The following TRAF3IP2 variants were observed in gnomAD, a reference collection of about 807,000 sequenced individuals.
TRAF3IP2 encodes TRAF3 interacting protein 2.
In TRAF3IP2, 35 loss-of-function variants were observed where a neutral mutation model predicts 57.9. The observed-to-expected ratio is 0.60, with a 90% confidence interval of 0.46 to 0.80. The LOEUF (loss-of-function observed/expected upper bound fraction) is 0.80, where lower values mean the gene tolerates loss of function less well. Among genes scored for constraint, TRAF3IP2 ranks in the 30% least tolerant of loss-of-function variants. TRAF3IP2 has a pLI of 0.00. For synonymous variants in TRAF3IP2, 251 were observed against 268.9 expected, an observed-to-expected ratio of 0.93 and a Z score of 0.65; for missense variants, 556 against 706.4, an observed-to-expected ratio of 0.79 and a Z score of 2.41.
At chr6:111,601,101 C>T in intron 1 of TRAF3IP2, 1 of 665,328 alleles carries the variant, frequency 1.5e-6, no homozygotes, top group Non-Finnish European at 2.9e-6. Context: ...GTTGGGAGCA[C>T]TGACTGGTTC....
At chr6:111,582,684 A>G (rs570382977) in intron 2 of TRAF3IP2, among the ~76,000 whole-genome samples, 3 of 152,296 alleles carry the variant, frequency 2.0e-5, no homozygotes, top group Admixed American at 2.0e-4. Context: ...GTCCCCAGGT[A>G]GGGGCCAGCC....
intron 1 of TRAF3IP2, among the ~76,000 whole-genome samples, chr6:111,595,614 A>T (rs1283836238): frequency 6.6e-6 from 1 of 151,868 alleles, no homozygotes; most frequent in South Asian, 2.1e-4. Flanking sequence ...CAGATCGCAA[A>T]GTCAGGAGTT....
At chr6:111,570,617 C>G (rs1000616378) in intron 5 of TRAF3IP2, among the ~76,000 whole-genome samples, 1 of 152,182 alleles carries the variant, frequency 6.6e-6, no homozygotes, top group African/African-American at 2.4e-5. Context: ...GCCTATGTGG[C>G]CCCTGGTTGT....
intron 6 of TRAF3IP2, chr6:111,566,897 A>T: frequency 8.2e-6 from 3 of 365,880 alleles, no homozygotes; most frequent in South Asian, 6.9e-5. Flanking sequence ...CAACAGTAAG[A>T]AGCACCCTCC....
intron 1 of TRAF3IP2, among the ~76,000 whole-genome samples, chr6:111,597,256 G>A (rs1303728400): frequency 6.6e-6 from 1 of 152,192 alleles, no homozygotes; most frequent in Non-Finnish European, 1.5e-5. Context: ...CTGCCCATGG[G>A]CAGGATTGAC....
chr6:111,604,878 C>A (rs1796972182), intron 1 of TRAF3IP2, among the ~76,000 whole-genome samples: 1 of 152,142 alleles, frequency 6.6e-6, no homozygotes, highest in Non-Finnish European at 1.5e-5. Flanking sequence ...ATTACCACTA[C>A]CCCTCTGGGA....
chr6:111,560,733 C>T (rs1238904916), intron 8 of TRAF3IP2, among the ~76,000 whole-genome samples: 3 of 152,132 alleles, frequency 2.0e-5, no homozygotes, highest in African/African-American at 7.2e-5. Context: ...AATAACAAAA[C>T]CAATGAAAAT....
At chr6:111,572,825 T>A (rs1358427013) in intron 5 of TRAF3IP2, 70 bp downstream of exon 5, 3 of 1,236,554 alleles carry the variant, frequency 2.4e-6, no homozygotes, top group Non-Finnish European at 3.6e-6. Context: ...TTACACTTTT[T>A]CTTCTGCTGC....
chr6:111,574,635 C>T (rs1190428120), intron 4 of TRAF3IP2: 1 of 152,208 alleles, frequency 6.6e-6, no homozygotes, highest in Non-Finnish European at 1.5e-5. Flanking sequence ...TGACCTCATT[C>T]TTGATGGCTG....
At chr6:111,562,024 G>A (rs1256661949) in intron 8 of TRAF3IP2, among the ~76,000 whole-genome samples, 1 of 152,216 alleles carries the variant, frequency 6.6e-6, no homozygotes, top group African/African-American at 2.4e-5. Flanking sequence ...TCTCAGTGCA[G>A]TCTTGACATC....
chr6:111,598,063 GAGAGCGGGGCTGGAGGGCGAAGA>G (rs1260165688), intron 1 of TRAF3IP2: 4 of 370,466 alleles, frequency 1.1e-5, no homozygotes, highest in African/African-American at 2.1e-5. Flanking sequence ...ATCCTGGGGG[GAGAGCGGGGCTGGAGGGCGAAGA>G]AGCCCAGGAG....
chr6:111,571,065 C>T (rs1477369952), intron 5 of TRAF3IP2, among the ~76,000 whole-genome samples: 1 of 151,354 alleles, frequency 6.6e-6, no homozygotes, highest in East Asian at 1.9e-4. Flanking sequence ...CACCACCATG[C>T]CAACTTTTTT....
intron 1 of TRAF3IP2, among the ~76,000 whole-genome samples, chr6:111,599,601 T>C (rs1308864598): frequency 1.3e-5 from 2 of 152,240 alleles, no homozygotes; most frequent in Non-Finnish European, 2.9e-5. Context: ...TGTTTGCTCA[T>C]GTCTGTTCCC....
In TRAF3IP2 at chr6:111,556,206, ATG is replaced by A. The variant is rs1562412964; in HGVS notation, c.*3197_*3198del. Among the ~76,000 whole-genome samples the A allele has an allele frequency of 6.6e-5, 10 of 150,654 alleles. No individual in the cohort carries two copies. The highest frequency in any genetic ancestry group is 2.4e-4 in the African/African-American group (10 of 40,890). The stretch of plus-strand genomic sequence containing the variant: ...CTTGGCCAAGTGCGTGTGTGTGTGT[ATG>A]TGTGCGTGTGTGTGTGTGTGTCTGT... On this transcript the variant is annotated 3_prime_UTR_variant, in exon 9 of 9. Coordinates refer to ENST00000368761, the MANE Select transcript of TRAF3IP2 (RefSeq NM_147686.4).
Position 111,591,836 on chromosome 6 carries a change from C to T in TRAF3IP2, c.251G>A (p.Arg84His), listed in dbSNP as rs141777182. The change falls in exon 2 of 9, where the codon CGC becomes CAC. Residue 84 changes from arginine (R) to histidine (H), a missense_variant. By Grantham distance (29) the Arg-to-His change is conservative. Transcript: ENST00000368761. The surrounding 1 kb of genome is among the most constrained non-coding windows in gnomAD (Gnocchi z 4.9). ...RPVSRQVTCL[R>H]TQVLEDSEDS... is the part of the protein sequence containing the mutation. ...TTCACTGTCCTCCAGAACTTGAGTG[C>T]GCAGGCAGGTGACCTGCCGGGATAC... 8.1e-6 allele frequency: 13 copies of T among 1,614,070 alleles called. No individual in the cohort carries two copies. The African/African-American group carries it at 1.1e-4, about 13-fold the overall frequency.
rs149504543 is a variant in TRAF3IP2 at position 111,566,485 on chromosome 6, C to T, written c.1435G>A (p.Glu479Lys). The change falls in exon 7 of 9, where the codon GAG becomes AAG. Residue 479 changes from glutamate to lysine, a missense_variant. Physicochemically the swap from Glu to Lys is moderately conservative, Grantham distance 56. Around this residue, in one of 2 missense-constraint regions of TRAF3IP2, gnomAD observed 128 missense variants for 207.7 expected, o/e 0.62. Transcript: ENST00000368761. ...DVEGAESQLD[E>K]DEHGLHTKYI... ...TTAGTATGTAAGCCATGCTCATCCT[C>T]GTCCAGCTGCGACTCAGCGCCTTCC... The T allele has an allele frequency of 2.0e-5, 32 of 1,614,196 alleles. No individual in the cohort carries two copies. The Admixed American group carries it at 3.0e-4, about 15-fold the overall frequency.
chr6:111,595,703 C>G (rs570790801), intron 1 of TRAF3IP2, among the ~76,000 whole-genome samples: 1 of 152,184 alleles, frequency 6.6e-6, no homozygotes, highest in South Asian at 2.1e-4. Flanking sequence ...TGGCAGGCAC[C>G]TGTAATCCCA....
At position 111,591,834 on chromosome 6, in the gene TRAF3IP2, T is replaced by G. The variant is rs745528874; in HGVS notation, c.253A>C (p.Thr85Pro). ...PVSRQVTCLR[T>P]QVLEDSEDSF... ...TCTTCACTGTCCTCCAGAACTTGAG[T>G]GCGCAGGCAGGTGACCTGCCGGGAT... The change falls in exon 2 of 9, where the codon ACT becomes CCT. Residue 85 changes from threonine (T) to proline (P), a missense_variant. Physicochemically the swap from Thr to Pro is conservative, Grantham distance 38. This residue lies in a region of TRAF3IP2 where 428 missense variants were observed against 498.7 expected (regional missense o/e 0.86). Coordinates refer to ENST00000368761, the MANE Select transcript of TRAF3IP2 (RefSeq NM_147686.4). The surrounding 1 kb of genome is among the most constrained non-coding windows in gnomAD (Gnocchi z 4.9). 2 of 1,614,068 alleles carry G rather than the reference T, an allele frequency of 1.2e-6. No homozygotes were observed. Among genetic ancestry groups the G allele is most frequent in the Non-Finnish European group, 1.7e-6 (2 of 1,180,032 alleles).
chr6:111,577,522 G>A (rs909001348), intron 3 of TRAF3IP2, among the ~76,000 whole-genome samples: 2 of 151,938 alleles, frequency 1.3e-5, no homozygotes, highest in African/African-American at 4.8e-5. Context: ...CTGAGTAGCT[G>A]GGACCACAGG....
Sources: allele counts gnomAD v4.1 joint callset (sites outside exome capture counted in the v4.1 genomes callset), GRCh38; gene constraint gnomAD v4.1.1; regional missense constraint gnomAD v4.1.1; non-coding constraint Gnocchi (gnomAD v3.1); transcripts MANE v1.5; gene names NCBI Gene and HGNC (gene_info 2026-07-23, HGNC 2026-07-21).